GCSH: variants seen among roughly 807,000 people sequenced by gnomAD.
GCSH encodes glycine cleavage system H protein, mitochondrial.
GCSH carries 15 observed loss-of-function variants against 21.3 expected under a neutral mutation model. The observed-to-expected ratio is 0.70, with a 90% confidence interval of 0.47 to 1.08. The LOEUF (loss-of-function observed/expected upper bound fraction) is 1.08, where lower values mean the gene tolerates loss of function less well. Among genes scored for constraint, GCSH ranks in the 50% least tolerant of loss-of-function variants. The pLI is 0.00. For synonymous variants in GCSH, 59 were observed against 84.5 expected (o/e 0.70, Z 1.66); for missense variants, 179 against 217.5 (o/e 0.82, Z 1.11).
At chr16:81,087,151 C>T (rs964335767) in intron 3 of GCSH, among the ~76,000 whole-genome samples, 3 of 151,876 alleles carry the variant, frequency 2.0e-5, no homozygotes, top group Non-Finnish European at 2.9e-5. Flanking sequence ...CTGCAACCTC[C>T]GCCTCCCAAG....
At chr16:81,090,020 A>C (rs563711637) in intron 2 of GCSH, among the ~76,000 whole-genome samples, 2 of 152,210 alleles carry the variant, frequency 1.3e-5, no homozygotes, top group South Asian at 2.1e-4. Flanking sequence ...ACATCTCTTA[A>C]AACACCACAT....
chr16:81,084,786 T>C (rs1056541805), intron 3 of GCSH, among the ~76,000 whole-genome samples, 192 bp from the exon 4 acceptor site: 2 of 150,386 alleles, frequency 1.3e-5, no homozygotes, highest in Non-Finnish European at 3.0e-5. Context: ...CTCACGTCAC[T>C]GCAAGCTCCA....
rs549799536 is a variant in GCSH at position 81,096,322 on chromosome 16, C to A, written c.-44G>T. 772 of 1,341,280 alleles carry A rather than the reference C, an allele frequency of 5.8e-4. 3 individuals are homozygous for A. The highest frequency in any genetic ancestry group is 7.2e-4 in the Admixed American group (18 of 25,116). The allele number at this position is 1,341,280 out of a possible 1,614,324, so 83.1% of individuals were successfully genotyped here. ...GTCGCAGCGCTACGCCTCGGCCACC[C>A]GCGCCGGGAGGCGGGGCGGGGAGGG... is the stretch of plus-strand genomic sequence containing the variant. On this transcript the variant is annotated 5_prime_UTR_variant, in exon 1 of 5. Coordinates refer to ENST00000315467, the MANE Select transcript of GCSH (RefSeq NM_004483.5).
intron 3 of GCSH, among the ~76,000 whole-genome samples, chr16:81,086,291 G>A (rs1972276704): frequency 6.6e-6 from 1 of 150,868 alleles, no homozygotes; most frequent in African/African-American, 2.4e-5. Context: ...CCAACACTTT[G>A]GGAAGCCAAG....
intron 2 of GCSH, among the ~76,000 whole-genome samples, 198 bp from the exon 3 acceptor site, chr16:81,087,862 G>A (rs8177904): frequency 0.024 from 3,630 of 152,168 alleles, 63 homozygotes; most frequent in South Asian, 0.048. Flanking sequence ...GGTAGTTCAC[G>A]CCTGTAATCC....
chr16:81,091,030 G>A, intron 1 of GCSH: 1 of 447,940 alleles, frequency 2.2e-6, no homozygotes, highest in Non-Finnish European at 4.3e-6. Context: ...AAAAAAATCT[G>A]TGCCTCTGAA....
intron 1 of GCSH, among the ~76,000 whole-genome samples, chr16:81,095,744 T>C (rs901348342): frequency 3.9e-4 from 60 of 152,038 alleles, no homozygotes; most frequent in African/African-American, 1.4e-3. Flanking sequence ...GGCCTCCCCA[T>C]TTGGGGTCTC....
At chr16:81,091,561 A>G (rs1972397413) in intron 1 of GCSH, among the ~76,000 whole-genome samples, 1 of 152,222 alleles carries the variant, frequency 6.6e-6, no homozygotes, top group Admixed American at 6.5e-5. Context: ...TTTAAAAAGC[A>G]TATGCTATAT....
At chr16:81,093,137 A>C (rs1972430561) in intron 1 of GCSH, among the ~76,000 whole-genome samples, 1 of 152,150 alleles carries the variant, frequency 6.6e-6, no homozygotes, top group African/African-American at 2.4e-5. Flanking sequence ...AAAAAAAAAA[A>C]AAAGTTGCAG....
At chr16:81,085,826 G>A (rs1483762819) in intron 3 of GCSH, among the ~76,000 whole-genome samples, 1 of 151,644 alleles carries the variant, frequency 6.6e-6, no homozygotes, top group Non-Finnish European at 1.5e-5. Flanking sequence ...TGCCATTGCA[G>A]TCCAGCCTTG....
intron 2 of GCSH, among the ~76,000 whole-genome samples, chr16:81,088,869 G>T (rs954969756): frequency 1.3e-5 from 2 of 152,130 alleles, no homozygotes; most frequent in Non-Finnish European, 2.9e-5. Flanking sequence ...GAAAGAAGTG[G>T]TCTCTCCATC....
chr16:81,092,235 G>C (rs549556008), intron 1 of GCSH, among the ~76,000 whole-genome samples: 1 of 151,604 alleles, frequency 6.6e-6, no homozygotes, highest in Non-Finnish European at 1.5e-5. Flanking sequence ...ATGCTCTTAC[G>C]GCACCCTGTA....
At chr16:81,085,160 G>A (rs1033700476) in intron 3 of GCSH, among the ~76,000 whole-genome samples, 31 of 151,426 alleles carry the variant, frequency 2.0e-4, no homozygotes, top group East Asian at 9.7e-4. Context: ...GATTACAGGC[G>A]CGCACCACCA....
intron 4 of GCSH, chr16:81,083,860 G>A (rs1597163078): frequency 6.6e-6 from 1 of 152,340 alleles, no homozygotes; most frequent in Admixed American, 6.5e-5. Flanking sequence ...CACAATATGA[G>A]TGGCTGCTTT....
At chr16:81,093,988 G>C (rs1972451744) in intron 1 of GCSH, among the ~76,000 whole-genome samples, 1 of 151,660 alleles carries the variant, frequency 6.6e-6, no homozygotes, top group African/African-American at 2.4e-5. Context: ...TGCAACCTCT[G>C]CCTCCCGGGT....
At chr16:81,091,060 G>C (rs1349131211) in intron 1 of GCSH, 1 of 456,842 alleles carries the variant, frequency 2.2e-6, no homozygotes. Flanking sequence ...GGGGTGATGA[G>C]GTTTAGGGAG....
At chr16:81,091,109 TA>T (rs75731175) in intron 1 of GCSH, 8,756 of 298,156 alleles carry the variant, frequency 0.029, no homozygotes, top group South Asian at 0.05. Context: ...TGATTTAACC[TA>T]AAAAAAAAAA....
At position 81,087,754 on chromosome 16, in the gene GCSH, T is replaced by A. The variant is rs939154520; in HGVS notation, c.229-90A>T. ...AATAAGCCAAACACTGAATCCCCTATAATGAAGATTTAGTATATATTTTAT... is the reference window on the plus strand; with the variant it reads ...AATAAGCCAAACACTGAATCCCCTAAAATGAAGATTTAGTATATATTTTAT... On this transcript the variant is annotated intron_variant, in intron 2 of 4. Coordinates refer to ENST00000315467, the MANE Select transcript of GCSH (RefSeq NM_004483.5). 9 of 849,288 alleles carry A rather than the reference T, an allele frequency of 1.1e-5. No individual in the cohort carries two copies. In the African/African-American group the frequency reaches 1.2e-4, roughly 11 times the overall value. The allele number at this position is 849,288 out of a possible 1,614,324, so 52.6% of individuals were successfully genotyped here.
chr16:81,089,019 C>T lies in GCSH; in HGVS notation c.229-1355G>A, dbSNP rs550506347. 1.1e-4 allele frequency among the ~76,000 whole-genome samples: 17 copies of T among 152,348 alleles called. 1 individual carries two copies. The South Asian group carries it at 3.3e-3, about 30-fold the overall frequency. On this transcript the variant is annotated intron_variant, in intron 2 of 4. Coordinates refer to ENST00000315467, the MANE Select transcript of GCSH (RefSeq NM_004483.5). The stretch of plus-strand genomic sequence containing the variant: ...ACACAACATCTCAAAAACTATCCAA[C>T]ACTGGGCCTCATAGTAGGTATACAG...
Sources: gnomAD v4.1 joint callset for allele counts (sites outside exome capture counted in the v4.1 genomes callset) on GRCh38, gnomAD v4.1.1 for gene constraint, MANE v1.5 for transcripts, NCBI Gene and HGNC (gene_info 2026-07-23, HGNC 2026-07-21) for gene names.